The following AACS variants were observed in gnomAD, a reference collection of about 807,000 sequenced individuals.
The protein encoded by AACS is acetoacetate-CoA ligase.
A neutral mutation model predicts 83.1 loss-of-function variants in AACS; 69 were observed. The ratio of observed to expected loss-of-function variants is 0.83; its 90% confidence interval spans 0.68 to 1.01. The LOEUF (loss-of-function observed/expected upper bound fraction) is 1.01. Among genes scored for constraint, AACS ranks in the 50% least tolerant of loss-of-function variants. AACS has a pLI of 0.00. For missense variants in AACS, 866 were observed against 882.2 expected (o/e 0.98, Z 0.23); for synonymous variants, 333 against 343.4 (o/e 0.97, Z 0.33).
At chr12:125,114,323 G>T (rs1290197569) in intron 8 of AACS, 154 bp from the exon 9 acceptor site, 10 of 584,036 alleles carry the variant, frequency 1.7e-5, no homozygotes, top group Middle Eastern at 7.2e-4. Context: ...GGGAGTGGGG[G>T]GAACCCTCCA....
At chr12:125,111,883 C>T (rs75735930) in intron 8 of AACS, among the ~76,000 whole-genome samples, 1 of 152,126 alleles carries the variant, frequency 6.6e-6, no homozygotes, top group East Asian at 1.9e-4. Flanking sequence ...TTAAGAGTCA[C>T]ACAGAGAAAT....
At chr12:125,069,433 A>G (rs954924692) in intron 1 of AACS, among the ~76,000 whole-genome samples, 5 of 151,982 alleles carry the variant, frequency 3.3e-5, no homozygotes, top group Non-Finnish European at 7.4e-5. Context: ...AGGGTTACCC[A>G]CCCTCTTTTC....
Position 125,118,493 on chromosome 12 carries a change from C to T in AACS, c.997-148C>T, listed in dbSNP as rs116188648. On this transcript the variant is annotated intron_variant, in intron 9 of 17. Transcript: ENST00000316519. ...CATTCTTAGATGTGGAGTTGCCGGG[C>T]CAGAGTGTCCTGCATTTGAAATGGG... 4.6e-4 allele frequency: 483 copies of T among 1,041,768 alleles called. 2 individuals are homozygous for T. In the African/African-American group the frequency reaches 6.7e-3, roughly 14 times the overall value. 64.5% of individuals were successfully genotyped at this position (1,041,768 alleles called of 1,614,324 possible).
At chr12:125,107,324 G>T (rs1186226286) in intron 8 of AACS, 56 bp downstream of exon 8, 3 of 1,594,304 alleles carry the variant, frequency 1.9e-6, no homozygotes, top group Admixed American at 3.4e-5. Context: ...GCTTCAACAG[G>T]GCCTCCCAGC....
rs1403178398 is a variant in AACS, at chr12:125,130,953, C to T, written c.1549+1493C>T. Among the ~76,000 whole-genome samples the T allele has an allele frequency of 6.6e-6, 1 of 152,186 alleles. No individual in the cohort carries two copies. Among genetic ancestry groups the T allele is most frequent in the South Asian group, 2.1e-4 (1 of 4,826 alleles). ...TTATCATGGACAAGGTGAACATAGG[C>T]TGCACTTAGACCCTTCCTCAAGCAC... On this transcript the variant is annotated intron_variant, in intron 14 of 17. Transcript: ENST00000316519. The surrounding 1 kb of genome is among the most constrained non-coding windows in gnomAD (Gnocchi z 4.9).
In AACS at chr12:125,130,442, A is replaced by T. The variant is rs575735012; in HGVS notation, c.1549+982A>T. ...GTGGATGTAGAGAAACACTCATCAG[A>T]TGACCCTGAAGAGGAGGGTAGGGCC... On this transcript the variant is annotated intron_variant, in intron 14 of 17. Transcript: ENST00000316519. This position sits in a 1 kb window ranked among gnomAD's most constrained non-coding sequence, Gnocchi z 4.9. Among the ~76,000 whole-genome samples the T allele has an allele frequency of 1.3e-5, 2 of 152,360 alleles. No homozygotes were observed. Among genetic ancestry groups the T allele is most frequent in the East Asian group, 3.9e-4 (2 of 5,190 alleles).
Position 125,124,433 on chromosome 12 carries a change from G to T in AACS, c.1122-272G>T, listed in dbSNP as rs914285656. 1.0e-5 allele frequency: 5 copies of T among 491,756 alleles called. No individual in the cohort carries two copies. In the Admixed American group the frequency reaches 1.1e-4, roughly 10 times the overall value. 30.5% of individuals were successfully genotyped at this position (491,756 alleles called of 1,614,324 possible). ...ATACTCTGCAGTTGGGAAGATAATG[G>T]GTTCGGGTGAGCGACTGTTTTATGT... On this transcript the variant is annotated intron_variant, in intron 10 of 17. Coordinates refer to ENST00000316519, the MANE Select transcript of AACS (RefSeq NM_023928.5).
At chr12:125,131,688 G>GC (rs755952147) in intron 14 of AACS, among the ~76,000 whole-genome samples, 4 of 152,016 alleles carry the variant, frequency 2.6e-5, no homozygotes, top group Non-Finnish European at 5.9e-5. Flanking sequence ...CTGGGGTGCA[G>GC]TGGCACGATC....
rs543071742 is a variant in AACS, at chr12:125,136,757, G to A, written c.1774G>A (p.Gly592Arg). ...GATCCTCTTCCTGAAGATGGCCTCC[G>A]GGCACGCCTTCCAGCCTGACTTGGT... ...RVILFLKMAS[G>R]HAFQPDLVKR... Residue 592 changes from glycine to arginine, a missense_variant, in exon 17 of 18, where the codon GGG becomes AGG. Transcript: ENST00000316519. The A allele has an allele frequency of 3.0e-5, 49 of 1,614,096 alleles. No individual in the cohort carries two copies. Among genetic ancestry groups the A allele is most frequent in the Non-Finnish European group, 4.0e-5 (47 of 1,180,024 alleles).
In AACS at chr12:125,114,305, C is replaced by T. The variant is rs546338489; in HGVS notation, c.916-172C>T. 3,270 of 527,648 alleles carry T rather than the reference C, an allele frequency of 6.2e-3. 22 individuals carry two copies. Among genetic ancestry groups the T allele is most frequent in the Non-Finnish European group, 8.8e-3 (2,640 of 299,804 alleles). The allele number at this position is 527,648 out of a possible 1,614,324, so 32.7% of individuals were successfully genotyped here. A position where few individuals can be genotyped will look rare whatever the true frequency, so the allele number is the denominator to read the frequency against. On this transcript the variant is annotated intron_variant, in intron 8 of 17. Transcript: ENST00000316519. ...GGGAGAGGGACATGGGGGCATGGCTCATCACAGGGGAGTGGGGGGAACCCT... is the reference window on the plus strand; with the variant it reads ...GGGAGAGGGACATGGGGGCATGGCTTATCACAGGGGAGTGGGGGGAACCCT...
At chr12:125,085,389 G>A (rs1221314133) in intron 3 of AACS, among the ~76,000 whole-genome samples, 2 of 151,934 alleles carry the variant, frequency 1.3e-5, no homozygotes, top group African/African-American at 4.8e-5. Flanking sequence ...ATCCACATCT[G>A]TTTCGTGGAA....
In AACS at chr12:125,113,507, G is replaced by A. The variant is rs986000374; in HGVS notation, c.916-970G>A. On this transcript the variant is annotated intron_variant, in intron 8 of 17. Coordinates refer to ENST00000316519, the MANE Select transcript of AACS (RefSeq NM_023928.5). This position sits in a 1 kb window ranked among gnomAD's most constrained non-coding sequence, Gnocchi z 4.8. ...GGCTCTGCTCTCTGGGTTGTGCCTG[G>A]CGATGGGAAGCTTCCTCTCCTCCCT... is the stretch of plus-strand genomic sequence containing the variant. 6.6e-6 allele frequency among the ~76,000 whole-genome samples: 1 copy of A among 152,206 alleles called. No homozygotes were observed. The highest frequency in any genetic ancestry group is 1.5e-5 in the Non-Finnish European group (1 of 68,046).
At chr12:125,086,813 A>C (rs927957236) in intron 4 of AACS, among the ~76,000 whole-genome samples, 1 of 151,652 alleles carries the variant, frequency 6.6e-6, no homozygotes, top group African/African-American at 2.4e-5. Flanking sequence ...ATGAAGGCCC[A>C]TTCAATATGG....
At chr12:125,119,070 A>C (rs1305472126) in intron 10 of AACS, among the ~76,000 whole-genome samples, 4 of 152,174 alleles carry the variant, frequency 2.6e-5, no homozygotes, top group African/African-American at 9.7e-5. Context: ...TTTGAAGGTT[A>C]TTTTTTAGTA....
At chr12:125,081,191 A>G (rs1267798637) in intron 3 of AACS, among the ~76,000 whole-genome samples, 2 of 150,662 alleles carry the variant, frequency 1.3e-5, no homozygotes, top group Non-Finnish European at 3.0e-5. Flanking sequence ...GAGGTTTCTC[A>G]CCATGTTGGC....
At chr12:125,133,429 C>T (rs1957355604) in intron 14 of AACS, among the ~76,000 whole-genome samples, 1 of 152,216 alleles carries the variant, frequency 6.6e-6, no homozygotes, top group Non-Finnish European at 1.5e-5. Context: ...TTGCTGTCAT[C>T]CCTGGCTCTT....
At position 125,089,910 on chromosome 12, in the gene AACS, C is replaced by G. The variant is rs1183200145; in HGVS notation, c.473-1516C>G. 7.0e-5 allele frequency among the ~76,000 whole-genome samples: 4 copies of G among 57,364 alleles called. No homozygotes were observed. The South Asian group carries it at 1.8e-3, about 26-fold the overall frequency. 37.6% of individuals were successfully genotyped at this position (57,364 alleles called of 152,430 possible). A position where few individuals can be genotyped will look rare whatever the true frequency, so the allele number is the denominator to read the frequency against. On this transcript the variant is annotated intron_variant, in intron 4 of 17. Coordinates refer to ENST00000316519, the MANE Select transcript of AACS (RefSeq NM_023928.5). ...TCCATCTACCCATTTACCCATTATCCATCTATCCATCCATTTATCTATCCT... is the reference window on the plus strand; with the variant it reads ...TCCATCTACCCATTTACCCATTATCGATCTATCCATCCATTTATCTATCCT...
At chr12:125,091,655 G>C in intron 5 of AACS, 132 bp downstream of exon 5, 1 of 853,874 alleles carries the variant, frequency 1.2e-6, no homozygotes, top group South Asian at 1.4e-5. Flanking sequence ...CGTTGCAGCT[G>C]CCTCTATGGG....
intron 1 of AACS, among the ~76,000 whole-genome samples, chr12:125,072,919 GTTTTTTTTTTTT>G (rs200182531): frequency 1.1e-5 from 1 of 90,390 alleles, no homozygotes; most frequent in Non-Finnish European, 2.2e-5. Flanking sequence ...TGTAACTTTT[GTTTTTTTTTTTT>G]TTTTTTTTTT....
Sources: allele counts gnomAD v4.1 joint callset (sites outside exome capture counted in the v4.1 genomes callset), GRCh38; gene constraint gnomAD v4.1.1; non-coding constraint Gnocchi (gnomAD v3.1); transcripts MANE v1.5; gene names NCBI Gene and HGNC (gene_info 2026-07-23, HGNC 2026-07-21).